Variants in WDFY1 observed in about 807,000 individuals in gnomAD.
WDFY1 encodes WD repeat and FYVE domain containing 1.
In WDFY1, 32 loss-of-function variants were observed where a neutral mutation model predicts 56.4. The ratio of observed to expected loss-of-function variants is 0.57; its 90% CI spans 0.43 to 0.76. The LOEUF (loss-of-function observed/expected upper bound fraction) is 0.76, where lower values mean the gene tolerates loss of function less well. WDFY1 is among the 30% of genes least tolerant of loss of function. WDFY1 has a pLI of 0.00. For synonymous variants in WDFY1, 192 were observed against 197.3 expected, an observed-to-expected ratio of 0.97 and a Z score of 0.23; for missense variants, 480 against 545.7, an observed-to-expected ratio of 0.88 and a Z score of 1.20.
chr2:223,881,853 T>C (rs1483379154), intron 10 of WDFY1, 89 bp downstream of exon 10: 4 of 1,509,016 alleles, frequency 2.7e-6, no homozygotes, highest in Non-Finnish European at 2.7e-6. Flanking sequence ...GCTAAACATA[T>C]CCTATCACTT....
At position 223,926,140 on chromosome 2, in the gene WDFY1, T is replaced by C. The variant is rs146479835; in HGVS notation, c.138-8130A>G. On this transcript the variant is annotated intron_variant, in intron 1 of 11. Transcript: ENST00000233055. ...TCAGAGGCACTATCTACGGCAGTTA[T>C]AGCCTTATAAAAAAATTTTCTTTTG... Among the ~76,000 whole-genome samples, 1,121 of 152,304 alleles carry C rather than the reference T, an allele frequency of 7.4e-3. 49 individuals carry two copies. Among genetic ancestry groups the C allele is most frequent in the Admixed American group, 0.068 (1,036 of 15,292 alleles).
intron 4 of WDFY1, among the ~76,000 whole-genome samples, chr2:223,904,963 T>G (rs1693571729): frequency 6.6e-6 from 1 of 152,212 alleles, no homozygotes; most frequent in African/African-American, 2.4e-5. Context: ...CACAAAGTAT[T>G]GATAGCTTTG....
At chr2:223,919,412 T>C (rs955427360) in intron 1 of WDFY1, among the ~76,000 whole-genome samples, 1 of 152,226 alleles carries the variant, frequency 6.6e-6, no homozygotes, top group South Asian at 2.1e-4. Flanking sequence ...GGTTTCATTA[T>C]GTTGGCCAGG....
chr2:223,884,862 T>A, intron 8 of WDFY1, 113 bp from the exon 9 acceptor site: 1 of 273,654 alleles, frequency 3.7e-6, no homozygotes, highest in South Asian at 3.2e-5. Flanking sequence ...TTTTCTTCTT[T>A]TTTTTTTTTT....
intron 3 of WDFY1, among the ~76,000 whole-genome samples, chr2:223,911,288 A>T (rs1036977892): frequency 6.6e-6 from 1 of 151,948 alleles, no homozygotes; most frequent in African/African-American, 2.4e-5. Flanking sequence ...TTTTGCAGGG[A>T]GGGGTGATGA....
chr2:223,900,520 C>T (rs1057076128), intron 5 of WDFY1, among the ~76,000 whole-genome samples: 5 of 151,966 alleles, frequency 3.3e-5, no homozygotes, highest in African/African-American at 1.2e-4. Flanking sequence ...TAAGGGCGAG[C>T]TCTACATGAA....
intron 6 of WDFY1, among the ~76,000 whole-genome samples, chr2:223,896,935 A>C (rs1231283177): frequency 1.3e-5 from 2 of 152,160 alleles, no homozygotes; most frequent in Non-Finnish European, 2.9e-5. Flanking sequence ...TGCCTTTAGC[A>C]ACCCTGAAAA....
At chr2:223,904,994 TC>T in intron 4 of WDFY1, among the ~76,000 whole-genome samples, 1 of 152,288 alleles carries the variant, frequency 6.6e-6, no homozygotes, top group South Asian at 2.1e-4. Context: ...TGCTTACAAT[TC>T]AGTTAGAAAA....
At chr2:223,904,740 A>T (rs1022375646) in intron 4 of WDFY1, among the ~76,000 whole-genome samples, 5 of 152,186 alleles carry the variant, frequency 3.3e-5, no homozygotes, top group Non-Finnish European at 7.3e-5. Flanking sequence ...AGAAATATAG[A>T]GTGAATAAAA....
At chr2:223,894,154 C>G in intron 8 of WDFY1, 80 bp downstream of exon 8, 1 of 1,409,850 alleles carries the variant, frequency 7.1e-7, no homozygotes, top group African/African-American at 1.4e-5. Flanking sequence ...GCATTTACAG[C>G]TTGCGGGGTG....
At chr2:223,906,954 C>CTA (rs1559168671) in intron 3 of WDFY1, among the ~76,000 whole-genome samples, 9 of 148,592 alleles carry the variant, frequency 6.1e-5, no homozygotes, top group African/African-American at 1.0e-4. Context: ...ATTACTACTA[C>CTA]CATTATTATT....
intron 1 of WDFY1, among the ~76,000 whole-genome samples, chr2:223,937,248 T>C (rs771359551): frequency 2.6e-5 from 4 of 152,232 alleles, no homozygotes; most frequent in Non-Finnish European, 4.4e-5. Context: ...GAAAAATTTT[T>C]TTATTTTCAC....
intron 4 of WDFY1, among the ~76,000 whole-genome samples, chr2:223,905,281 C>T (rs947770570): frequency 8.5e-5 from 13 of 152,084 alleles, no homozygotes; most frequent in South Asian, 4.1e-4. Flanking sequence ...ATGTCTGACC[C>T]GGTTATTCCA....
chr2:223,883,417 AT>A (rs936624018), intron 9 of WDFY1, among the ~76,000 whole-genome samples: 2 of 152,098 alleles, frequency 1.3e-5, no homozygotes, highest in Non-Finnish European at 2.9e-5. Context: ...AGTAAAATCC[AT>A]TTCTCTGTGT....
chr2:223,934,138 GAGTAA>G (rs1176848283), intron 1 of WDFY1, among the ~76,000 whole-genome samples: 4 of 147,868 alleles, frequency 2.7e-5, no homozygotes, highest in African/African-American at 5.1e-5. Flanking sequence ...ACCCAGGCTG[GAGTAA>G]AGTGGCACAA....
intron 1 of WDFY1, among the ~76,000 whole-genome samples, chr2:223,934,081 C>CTTTTTT (rs201021204): frequency 1.5e-4 from 21 of 136,172 alleles, no homozygotes; most frequent in East Asian, 6.9e-4. Flanking sequence ...TTTTTCTTTT[C>CTTTTTT]TTTTTTTTTT....
At chr2:223,895,453 A>T in intron 7 of WDFY1, 51 bp downstream of exon 7, 1 of 1,612,854 alleles carries the variant, frequency 6.2e-7, no homozygotes, top group Non-Finnish European at 8.5e-7. Context: ...GCCTTTCACT[A>T]GCTCCCCACT....
chr2:223,944,157 T>C (rs918485830), intron 1 of WDFY1, among the ~76,000 whole-genome samples: 1 of 152,196 alleles, frequency 6.6e-6, no homozygotes, highest in Non-Finnish European at 1.5e-5. Context: ...ATAACTGATC[T>C]AGAGGCCTGG....
chr2:223,883,420 T>G (rs546119686), intron 9 of WDFY1, among the ~76,000 whole-genome samples: 111 of 152,266 alleles, frequency 7.3e-4, no homozygotes, highest in African/African-American at 2.5e-3. Context: ...AAAATCCATT[T>G]CTCTGTGTTT....
Sources: allele counts gnomAD v4.1 joint callset (sites outside exome capture counted in the v4.1 genomes callset), GRCh38; gene constraint gnomAD v4.1.1; transcripts MANE v1.5; gene names NCBI Gene and HGNC (gene_info 2026-07-23, HGNC 2026-07-21).